Variants in AMMECR1 observed in about 807,000 individuals in gnomAD.
AMMECR1 encodes the protein AMMECR nuclear protein 1.
AMMECR1 carries 3 observed loss-of-function variants against 22.5 expected under a neutral mutation model. The observed-to-expected ratio is 0.13, with a 90% CI of 0.06 to 0.35. AMMECR1 has a LOEUF of 0.35. Among genes scored for constraint, AMMECR1 ranks in the 10% least tolerant of loss-of-function variants. The pLI, the probability that AMMECR1 is intolerant of heterozygous loss-of-function variation, is 1.00. For synonymous variants in AMMECR1, 130 were observed against 116.7 expected (o/e 1.11, Z -0.74); for missense variants, 235 against 278.7 (o/e 0.84, Z 1.12).
intron 2 of AMMECR1, among the ~76,000 whole-genome samples, chrX:110,328,849 C>T (rs182993063): frequency 0.013 from 1,418 of 112,222 alleles, 13 homozygotes; most frequent in Non-Finnish European, 0.019. Flanking sequence ...GTCACATTTT[C>T]TTTATCCAGT....
intron 2 of AMMECR1, among the ~76,000 whole-genome samples, chrX:110,326,228 G>A (rs1244789843): frequency 3.6e-5 from 4 of 111,918 alleles, no homozygotes; most frequent in Non-Finnish European, 5.6e-5. Flanking sequence ...CTGATCTCCA[G>A]TGATCCACCC....
intron 2 of AMMECR1, among the ~76,000 whole-genome samples, chrX:110,364,241 T>C (rs2068282530): frequency 8.9e-6 from 1 of 111,785 alleles, no homozygotes; most frequent in Non-Finnish European, 1.9e-5. Flanking sequence ...TAAGGACACT[T>C]ATCATTGGAT....
rs756009643 is a variant in AMMECR1 at position 110,307,470 on chromosome X, T to C, written c.473+10129A>G. On this transcript the variant is annotated intron_variant, in intron 1 of 5. Transcript: ENST00000262844. ...TCAGAAATTATACCTGGGTCTATCA[T>C]TTAATAGTGCCTGTTCCATAATCTT... Among the ~76,000 whole-genome samples the C allele has an allele frequency of 2.5e-4, 28 of 111,851 alleles. No individual in the cohort carries two copies. The Middle Eastern group carries it at 0.019, about 74-fold the overall frequency.
intron 1 of AMMECR1, among the ~76,000 whole-genome samples, chrX:110,266,511 T>C (rs2067769555): frequency 9.1e-6 from 1 of 110,275 alleles, no homozygotes; most frequent in South Asian, 4.0e-4. Context: ...GCCTCCTAAG[T>C]AGCTGGGATT....
At chrX:110,387,947 C>T (rs1380493232) in intron 2 of AMMECR1, among the ~76,000 whole-genome samples, 6 of 106,084 alleles carry the variant, frequency 5.7e-5, no homozygotes, top group Non-Finnish European at 1.2e-4. Flanking sequence ...CTGCAAGCTC[C>T]GCCTCCCGGG....
At chrX:110,347,490 C>T (rs1041634120) in intron 2 of AMMECR1, among the ~76,000 whole-genome samples, 5 of 112,769 alleles carry the variant, frequency 4.4e-5, no homozygotes, top group East Asian at 2.8e-4. Flanking sequence ...GTTAGTTCTT[C>T]GCTAATTCTG....
At chrX:110,217,017 G>A in intron 2 of AMMECR1, among the ~76,000 whole-genome samples, 1 of 109,322 alleles carries the variant, frequency 9.1e-6, no homozygotes, top group Non-Finnish European at 1.9e-5. Context: ...AGTGCTGGTG[G>A]CAGTAAAATT....
chrX:110,275,966 C>G (rs1337894252), intron 1 of AMMECR1, among the ~76,000 whole-genome samples: 1 of 110,902 alleles, frequency 9.0e-6, no homozygotes, highest in Non-Finnish European at 1.9e-5. Flanking sequence ...GCCATTATTT[C>G]TTCAATTTTT....
intron 5 of AMMECR1, 81 bp downstream of exon 5, chrX:110,200,873 G>A (rs2067393784): frequency 1.5e-6 from 1 of 676,605 alleles, no homozygotes; most frequent in Non-Finnish European, 2.3e-6. Flanking sequence ...TGTAGTTAGA[G>A]AGACCAAAGA....
rs10596812 is a variant in AMMECR1 at position 110,248,390 on chromosome X, A to AAAAAG, written c.584+16094_584+16098dup. ...GACAGAGCGAGATCCTGTCTCAAAA[A>AAAAAG]AAAAGAAAAGAAAAGAAAAGAAAAG... On this transcript the variant is annotated intron_variant, in intron 2 of 5. Transcript: ENST00000262844. 1.1e-3 allele frequency among the ~76,000 whole-genome samples: 121 copies of AAAAAG among 110,218 alleles called. 1 individual carries two copies. Among genetic ancestry groups the AAAAAG allele is most frequent in the Middle Eastern group, 4.6e-3 (1 of 216 alleles).
intron 1 of AMMECR1, among the ~76,000 whole-genome samples, chrX:110,432,639 T>C (rs1319182903): frequency 8.9e-6 from 1 of 112,102 alleles, no homozygotes; most frequent in Non-Finnish European, 1.9e-5. Context: ...CTCCTGTCCC[T>C]GAGGATCCCG....
intron 1 of AMMECR1, among the ~76,000 whole-genome samples, chrX:110,434,497 A>G (rs1228960951): frequency 9.0e-6 from 1 of 111,539 alleles, no homozygotes; most frequent in Non-Finnish European, 1.9e-5. Flanking sequence ...GGATGACTCA[A>G]GGCACATGTC....
At chrX:110,353,911 C>T (rs2068220511) in intron 2 of AMMECR1, among the ~76,000 whole-genome samples, 1 of 111,770 alleles carries the variant, frequency 8.9e-6, no homozygotes, top group Non-Finnish European at 1.9e-5. Flanking sequence ...TAAGAAAATC[C>T]TATTTATAAT....
At position 110,346,953 on chromosome X, in the gene AMMECR1, G is replaced by T. The variant is rs753108539; in HGVS notation, c.-147-29104C>A. Reference sequence around the variant, plus strand: ...GCCGATTCGTGGGTCGGTGGGTCGTGGGCCGTGGGTCGGCGGGGCCGCTAA... The same window carrying T: ...GCCGATTCGTGGGTCGGTGGGTCGTTGGCCGTGGGTCGGCGGGGCCGCTAA... On this transcript the variant is annotated intron_variant, in intron 2 of 7. Coordinates refer to the AMMECR1 transcript ENST00000372057. 19 of 521,193 alleles carry T rather than the reference G, an allele frequency of 3.6e-5. No individual in the cohort carries two copies. The South Asian group carries it at 4.5e-4, about 12-fold the overall frequency. 43.0% of individuals were successfully genotyped at this position (521,193 alleles called of 1,213,427 possible).
chrX:110,394,544 A>G (rs60537533), intron 2 of AMMECR1, among the ~76,000 whole-genome samples: 5,443 of 112,663 alleles, frequency 0.048, 151 homozygotes, highest in African/African-American at 0.1. Flanking sequence ...ACTCTTGTTT[A>G]TATCAATTAG....
At chrX:110,371,612 A>G (rs2068339412) in intron 2 of AMMECR1, among the ~76,000 whole-genome samples, 1 of 111,243 alleles carries the variant, frequency 9.0e-6, no homozygotes, top group South Asian at 3.9e-4. Flanking sequence ...GATATGGCCA[A>G]TGTAAGGCAC....
chrX:110,329,961 G>A (rs538776651), intron 2 of AMMECR1, among the ~76,000 whole-genome samples: 1 of 111,687 alleles, frequency 9.0e-6, no homozygotes, highest in Non-Finnish European at 1.9e-5. Context: ...CATAGTACCA[G>A]TATTGTACCA....
chrX:110,399,191 C>A (rs1026413840), intron 2 of AMMECR1, among the ~76,000 whole-genome samples: 2 of 112,533 alleles, frequency 1.8e-5, no homozygotes, highest in African/African-American at 6.5e-5. Context: ...GCCAGGCACT[C>A]TCCTAAGCAC....
At chrX:110,362,372 C>A (rs1171351790) in intron 2 of AMMECR1, among the ~76,000 whole-genome samples, 1 of 112,048 alleles carries the variant, frequency 8.9e-6, no homozygotes, top group Non-Finnish European at 1.9e-5. Context: ...TTTAACCCTC[C>A]TGACTCAGAC....
Sources: gnomAD v4.1 joint callset for allele counts (sites outside exome capture counted in the v4.1 genomes callset) on GRCh38, gnomAD v4.1.1 for gene constraint, MANE v1.5 for transcripts, NCBI Gene and HGNC (gene_info 2026-07-23, HGNC 2026-07-21) for gene names.